Variants in CAT observed in about 807,000 individuals in gnomAD.
The protein encoded by CAT is catalase.
In CAT, 43 loss-of-function variants were observed where a neutral mutation model predicts 59.0. That is an observed-to-expected ratio of 0.73 (90% CI 0.57 to 0.94). The LOEUF (loss-of-function observed/expected upper bound fraction) is 0.94, where lower values mean the gene tolerates loss of function less well. Among genes scored for constraint, CAT ranks in the 40% least tolerant of loss-of-function variants. The pLI is 0.00. For synonymous variants in CAT, 218 were observed against 230.9 expected, an observed-to-expected ratio of 0.94 and a Z score of 0.51; for missense variants, 664 against 682.9, an observed-to-expected ratio of 0.97 and a Z score of 0.31.
At chr11:34,447,978 A>G (rs1176996942) in intron 1 of CAT, among the ~76,000 whole-genome samples, 1 of 152,206 alleles carries the variant, frequency 6.6e-6, no homozygotes, top group Non-Finnish European at 1.5e-5. Context: ...GGATGAAGAT[A>G]TAACTCTAGT....
chr11:34,464,289 A>G (rs764364915), intron 10 of CAT, 54 bp downstream of exon 10: 74 of 1,540,914 alleles, frequency 4.8e-5, no homozygotes, highest in South Asian at 2.1e-4. Context: ...CTCCTTGTCA[A>G]TGCCTGCATA....
At chr11:34,464,364 T>C (rs1856689210) in intron 10 of CAT, 129 bp downstream of exon 10, 1 of 979,480 alleles carries the variant, frequency 1.0e-6, no homozygotes, top group African/African-American at 1.6e-5. Context: ...GGAAGACTCA[T>C]CTGTAATAGT....
chr11:34,442,903 A>C (rs1856408073), intron 1 of CAT, among the ~76,000 whole-genome samples: 1 of 152,196 alleles, frequency 6.6e-6, no homozygotes, highest in African/African-American at 2.4e-5. Flanking sequence ...CCTGTCCAGG[A>C]AGCTGACTCT....
At chr11:34,461,149 A>T in intron 8 of CAT, 102 bp from the exon 9 acceptor site, 1 of 1,282,250 alleles carries the variant, frequency 7.8e-7, no homozygotes, top group Non-Finnish European at 1.1e-6. Context: ...GTAACCATGT[A>T]CAGAGTGCTT....
chr11:34,458,621 G>T (rs1856615909), intron 8 of CAT, among the ~76,000 whole-genome samples: 1 of 152,212 alleles, frequency 6.6e-6, no homozygotes, highest in Non-Finnish European at 1.5e-5. Context: ...ATTGTCATGG[G>T]CAGAGCAGAG....
rs574084078 is a variant in CAT at position 34,454,146 on chromosome 11, T to C, written c.711+220T>C. Among the ~76,000 whole-genome samples the C allele has an allele frequency of 9.0e-4, 137 of 152,346 alleles. 1 individual carries two copies. In the South Asian group the frequency reaches 0.028, roughly 31 times the overall value. On this transcript the variant is annotated intron_variant, in intron 6 of 12. Transcript: ENST00000241052. ...TCTCATTATCACTTCCAACATCCAATAGTGTCTTTCCAATATCATTTCTTT... is the reference window on the plus strand; with the variant it reads ...TCTCATTATCACTTCCAACATCCAACAGTGTCTTTCCAATATCATTTCTTT...
chr11:34,469,509 T>G lies in CAT; in HGVS notation c.1434+1114T>G, dbSNP rs1467336228. 2.6e-5 allele frequency among the ~76,000 whole-genome samples: 4 copies of G among 152,288 alleles called. No homozygotes were observed. In the East Asian group the frequency reaches 7.7e-4, roughly 29 times the overall value. Reference sequence around the variant, plus strand: ...GTTGTGCTGCATGTACCAGTGTTCTTGTATCCTTCACATTAACTTTAGGCT... The same window carrying G: ...GTTGTGCTGCATGTACCAGTGTTCTGGTATCCTTCACATTAACTTTAGGCT... On this transcript the variant is annotated intron_variant, in intron 11 of 12. Transcript: ENST00000241052.
rs1267091033 is a variant in CAT, at chr11:34,451,093, C to G, written c.344C>G (p.Thr115Ser). Residue 115 changes from threonine (T) to serine (S), a missense_variant, in exon 3 of 13, where the codon ACT becomes AGT. Coordinates refer to ENST00000241052, the MANE Select transcript of CAT (RefSeq NM_001752.4). Reference sequence around the variant, plus strand: ...ACTCCCATCGCAGTTCGGTTCTCCACTGTTGGTAAGTTGGTTTATTGGCGT... The same window carrying G: ...ACTCCCATCGCAGTTCGGTTCTCCAGTGTTGGTAAGTTGGTTTATTGGCGT... Reference protein sequence around the residue: ...KKTPIAVRFSTVAGESGSADT... With the variant: ...KKTPIAVRFSSVAGESGSADT... 1 of 1,592,822 alleles carries G rather than the reference C, an allele frequency of 6.3e-7. No homozygotes were observed. Among genetic ancestry groups the G allele is most frequent in the African/African-American group, 1.3e-5 (1 of 74,442 alleles).
intron 10 of CAT, among the ~76,000 whole-genome samples, chr11:34,465,702 T>A (rs1461257543): frequency 6.6e-6 from 1 of 152,208 alleles, no homozygotes; most frequent in Non-Finnish European, 1.5e-5. Flanking sequence ...ATGTATCACA[T>A]GGGAAATACA....
chr11:34,469,471 T>C (rs147607701), intron 11 of CAT, among the ~76,000 whole-genome samples: 20 of 152,312 alleles, frequency 1.3e-4, no homozygotes, highest in African/African-American at 4.8e-4. Flanking sequence ...AATTCCTGCC[T>C]GAAGTGTGTG....
Position 34,452,019 on chromosome 11 carries a change from G to C in CAT, c.350-58G>C, listed in dbSNP as rs920094082. On this transcript the variant is annotated intron_variant, in intron 3 of 12. Coordinates refer to ENST00000241052, the MANE Select transcript of CAT (RefSeq NM_001752.4). Reference sequence around the variant, plus strand: ...TCCAGGTGCTTCTTTATGTCTCCAGGCTTCTTGGATGCAAAGTGCTGTGGC... The same window carrying C: ...TCCAGGTGCTTCTTTATGTCTCCAGCCTTCTTGGATGCAAAGTGCTGTGGC... 233 of 1,599,328 alleles carry C rather than the reference G, an allele frequency of 1.5e-4. 1 individual carries two copies. The highest frequency in any genetic ancestry group is 7.6e-4 in the South Asian group (69 of 90,776).
chr11:34,459,868 G>C (rs1422970738), intron 8 of CAT, among the ~76,000 whole-genome samples: 3 of 152,208 alleles, frequency 2.0e-5, no homozygotes, highest in Non-Finnish European at 4.4e-5. Context: ...GAGACAACCA[G>C]CTTCCAACCT....
At chr11:34,458,271 C>T (rs890360547) in intron 8 of CAT, among the ~76,000 whole-genome samples, 1 of 152,128 alleles carries the variant, frequency 6.6e-6, no homozygotes, top group Non-Finnish European at 1.5e-5. Flanking sequence ...GTCACTCTCT[C>T]CTGAATGAGA....
At chr11:34,457,988 G>A (rs1009142312) in intron 8 of CAT, among the ~76,000 whole-genome samples, 1 of 152,214 alleles carries the variant, frequency 6.6e-6, no homozygotes, top group Non-Finnish European at 1.5e-5. Context: ...TTAGTTTTTA[G>A]TCCAATTCAA....
chr11:34,471,630 C>T lies in CAT; in HGVS notation c.*197C>T. The stretch of plus-strand genomic sequence containing the variant: ...GGGGAAAATGAAGGTTAGGATTTAA[C>T]AGTCATTTAAAAAAAAAATTTGTTT... On this transcript the variant is annotated 3_prime_UTR_variant, in exon 13 of 13. Transcript: ENST00000241052. 3.4e-6 allele frequency: 2 copies of T among 592,572 alleles called. No homozygotes were observed. Among genetic ancestry groups the T allele is most frequent in the Non-Finnish European group, 6.0e-6 (2 of 332,188 alleles). 36.7% of individuals were successfully genotyped at this position (592,572 alleles called of 1,614,324 possible). A position where few individuals can be genotyped will look rare whatever the true frequency, so the allele number is the denominator to read the frequency against.
chr11:34,439,157 C>T (rs10836235), intron 1 of CAT, 78 bp downstream of exon 1: 132,570 of 1,364,252 alleles, frequency 0.097, 7,693 homozygotes, highest in East Asian at 0.28. Context: ...GCCCGGCTTC[C>T]CCCGGGGCGG....
Position 34,456,191 on chromosome 11 carries a change from G to A in CAT, c.892G>A (p.Asp298Asn), listed in dbSNP as rs1856588456. The change falls in exon 7 of 13, where the codon GAT (aspartate) becomes AAT (asparagine). Residue 298 changes from aspartate (D) to asparagine (N), a missense_variant. Physicochemically the swap from Asp to Asn is conservative, Grantham distance 23. Coordinates refer to ENST00000241052, the MANE Select transcript of CAT (RefSeq NM_001752.4). ...QAETFPFNPFDLTKVWPHKDY... is the reference protein window; with the variant it reads ...QAETFPFNPFNLTKVWPHKDY... Reference sequence around the variant, plus strand: ...AGAAACTTTTCCATTTAATCCATTCGATCTCACCAAGGTGAGTCAGTAAAC... The same window carrying A: ...AGAAACTTTTCCATTTAATCCATTCAATCTCACCAAGGTGAGTCAGTAAAC... 4 of 1,613,054 alleles carry A rather than the reference G, an allele frequency of 2.5e-6. No homozygotes were observed. Among genetic ancestry groups the A allele is most frequent in the African/African-American group, 1.3e-5 (1 of 74,964 alleles).
chr11:34,457,165 A>G (rs1474331647), intron 8 of CAT, among the ~76,000 whole-genome samples: 2 of 147,088 alleles, frequency 1.4e-5, no homozygotes, highest in Non-Finnish European at 3.0e-5. Context: ...TGGTTAATTA[A>G]TTATAATACC....
At chr11:34,447,817 A>G (rs896622232) in intron 1 of CAT, among the ~76,000 whole-genome samples, 1 of 152,170 alleles carries the variant, frequency 6.6e-6, no homozygotes, top group Non-Finnish European at 1.5e-5. Flanking sequence ...GGTACTTATT[A>G]TTCTATTTTG....
Sources: gnomAD v4.1 joint callset for allele counts (sites outside exome capture counted in the v4.1 genomes callset) on GRCh38, gnomAD v4.1.1 for gene constraint, MANE v1.5 for transcripts, NCBI Gene and HGNC (gene_info 2026-07-23, HGNC 2026-07-21) for gene names.